PPP2R3C: variants seen among roughly 807,000 people sequenced by gnomAD.
PPP2R3C encodes the protein serine/threonine-protein phosphatase 2A regulatory subunit B'' subunit gamma.
In PPP2R3C, 47 loss-of-function variants were observed where a neutral mutation model predicts 63.7. That is an observed-to-expected ratio of 0.74 (90% CI 0.58 to 0.94). PPP2R3C has a LOEUF of 0.94. Ranked by LOEUF, PPP2R3C falls within the 40% of genes least tolerant of loss-of-function variation. The pLI is 0.00. For synonymous variants in PPP2R3C, 180 were observed against 177.4 expected (o/e 1.01, Z -0.12); for missense variants, 421 against 518.4 (o/e 0.81, Z 1.82).
chr14:35,102,709 C>G (rs924594314), intron 6 of PPP2R3C: 3 of 152,176 alleles, frequency 2.0e-5, no homozygotes, highest in African/African-American at 7.2e-5. Context: ...ATGGGCCCAT[C>G]ATCTCACCTG....
At chr14:35,121,745 C>G (rs980388471) in intron 1 of PPP2R3C, 157 bp downstream of exon 1, 4 of 796,592 alleles carry the variant, frequency 5.0e-6, no homozygotes, top group Non-Finnish European at 7.9e-6. Flanking sequence ...TCAAACCTAT[C>G]GGGATCCTTA....
chr14:35,109,241 G>A (rs1206147062), intron 4 of PPP2R3C, among the ~76,000 whole-genome samples: 1 of 151,932 alleles, frequency 6.6e-6, no homozygotes, highest in Non-Finnish European at 1.5e-5. Context: ...ATTTTTAGTA[G>A]AGACGGGGTT....
intron 2 of PPP2R3C, chr14:35,113,186 T>C: frequency 6.5e-6 from 1 of 153,260 alleles, no homozygotes; most frequent in Non-Finnish European, 1.5e-5. Flanking sequence ...GGGATGGGGC[T>C]GGAGTTGGGG....
intron 1 of PPP2R3C, among the ~76,000 whole-genome samples, chr14:35,118,674 G>A (rs74352526): frequency 2.9e-5 from 1 of 34,428 alleles, no homozygotes; most frequent in African/African-American, 8.6e-5. Flanking sequence ...TTTTTTTTCC[G>A]AGACTGAGTC....
chr14:35,090,637 T>C (rs1290189030), intron 11 of PPP2R3C, among the ~76,000 whole-genome samples: 3 of 152,124 alleles, frequency 2.0e-5, no homozygotes, highest in African/African-American at 7.2e-5. Flanking sequence ...TGATTTTAGA[T>C]CTTTAACATT....
intron 6 of PPP2R3C, 127 bp downstream of exon 6, chr14:35,107,175 AAC>A: frequency 1.6e-6 from 1 of 622,752 alleles, no homozygotes; most frequent in Non-Finnish European, 2.7e-6. Context: ...TGTACACACA[AAC>A]ACACACAGAC....
At chr14:35,108,634 C>A (rs919199318) in intron 4 of PPP2R3C, among the ~76,000 whole-genome samples, 1 of 151,960 alleles carries the variant, frequency 6.6e-6, no homozygotes, top group South Asian at 2.1e-4. Context: ...AAATGCTTAA[C>A]ATATTCTTTT....
In PPP2R3C at chr14:35,085,739, T is replaced by G; in HGVS notation, c.1213A>C (p.Lys405Gln). Residue 405 changes from lysine (K) to glutamine (Q), a missense_variant, in exon 13 of 13, where the codon AAA (lysine) becomes CAA (glutamine). This residue lies in a region of PPP2R3C where 231 missense variants were observed against 264.8 expected (regional missense o/e 0.87). Coordinates refer to ENST00000261475, the MANE Select transcript of PPP2R3C (RefSeq NM_017917.4). The part of the protein sequence containing the change: ...FDMVKPKDPL[K>Q]ISLQDLINSN... ...TTGATTAAATCCTGAAGAGAGATTT[T>G]CAAAGGATCCTTTGGTTTTACCATG... is the stretch of plus-strand genomic sequence containing the variant. 1 of 1,610,836 alleles carries G rather than the reference T, an allele frequency of 6.2e-7. No individual in the cohort carries two copies. Among genetic ancestry groups the G allele is most frequent in the Non-Finnish European group, 8.5e-7 (1 of 1,178,304 alleles).
At chr14:35,112,971 T>TACA (rs2046610442) in intron 2 of PPP2R3C, 1 of 152,262 alleles carries the variant, frequency 6.6e-6, no homozygotes, top group African/African-American at 2.4e-5. Flanking sequence ...AACCAATGTA[T>TACA]TTCTCAAATG....
chr14:35,107,460 A>G (rs1385722863), intron 5 of PPP2R3C, 86 bp from the exon 6 acceptor site: 2 of 1,051,368 alleles, frequency 1.9e-6, no homozygotes, highest in Non-Finnish European at 2.9e-6. Flanking sequence ...ATTTGAGACA[A>G]GCTAATCTAG....
chr14:35,087,945 GAT>G lies in PPP2R3C; in HGVS notation c.1173+4_1173+5del. On this transcript the variant is annotated splice_donor_5th_base_variant and intron_variant, in intron 12 of 12. Coordinates refer to ENST00000261475, the MANE Select transcript of PPP2R3C (RefSeq NM_017917.4). ...TGGTAATACGTAAATTAAAGGAAAA[GAT>G]AACCTTGACATCTTGAAATGAAACA... The G allele has an allele frequency of 6.3e-7, 1 of 1,584,252 alleles. No individual in the cohort carries two copies. Among genetic ancestry groups the G allele is most frequent in the Non-Finnish European group, 8.7e-7 (1 of 1,153,184 alleles).
intron 3 of PPP2R3C, 117 bp downstream of exon 3, chr14:35,110,408 C>T (rs11625939): frequency 1.6e-6 from 1 of 632,726 alleles, no homozygotes; most frequent in African/African-American, 1.9e-5. Flanking sequence ...GCTTCAGAGC[C>T]TATGTAGTAC....
intron 2 of PPP2R3C, among the ~76,000 whole-genome samples, 187 bp downstream of exon 2, chr14:35,116,423 T>C (rs72664829): frequency 2.0e-5 from 3 of 151,808 alleles, no homozygotes; most frequent in African/African-American, 7.3e-5. Context: ...AGCTATTTTT[T>C]AAAAAATTTC....
At chr14:35,111,114 A>G (rs975359454) in intron 2 of PPP2R3C, among the ~76,000 whole-genome samples, 1 of 151,964 alleles carries the variant, frequency 6.6e-6, no homozygotes, top group African/African-American at 2.4e-5. Context: ...ATGTGCCTGT[A>G]GTCCCAGCTA....
At chr14:35,114,163 A>C (rs2046641877) in intron 2 of PPP2R3C, among the ~76,000 whole-genome samples, 1 of 152,224 alleles carries the variant, frequency 6.6e-6, no homozygotes, top group African/African-American at 2.4e-5. Flanking sequence ...AAAGGTATGT[A>C]TGATGTAATC....
chr14:35,107,951 G>A, intron 5 of PPP2R3C, 188 bp downstream of exon 5: 1 of 612,310 alleles, frequency 1.6e-6, no homozygotes, highest in Non-Finnish European at 2.6e-6. Context: ...TAAGACACAT[G>A]AGGGTTTAAA....
At chr14:35,118,322 CTGA>C (rs1179805911) in intron 1 of PPP2R3C, among the ~76,000 whole-genome samples, 3 of 152,078 alleles carry the variant, frequency 2.0e-5, no homozygotes, top group Non-Finnish European at 2.9e-5. Context: ...TAAAGAAAAA[CTGA>C]TGATACAGGA....
intron 6 of PPP2R3C, chr14:35,100,251 G>A (rs985894892): frequency 4.6e-5 from 7 of 151,998 alleles, no homozygotes; most frequent in Admixed American, 6.6e-5. Flanking sequence ...TTTGCTGCAC[G>A]AAAAATAATA....
At chr14:35,087,345 C>T (rs1332880980) in intron 12 of PPP2R3C, 7 of 152,094 alleles carry the variant, frequency 4.6e-5, no homozygotes, top group Non-Finnish European at 7.4e-5. Flanking sequence ...GGTAAAAAAT[C>T]AGTTTACAGT....
Sources: gnomAD v4.1 joint callset for allele counts (sites outside exome capture counted in the v4.1 genomes callset) on GRCh38, gnomAD v4.1.1 for gene constraint, gnomAD v4.1.1 regional missense constraint, MANE v1.5 for transcripts, NCBI Gene and HGNC (gene_info 2026-07-23, HGNC 2026-07-21) for gene names.